Variants in HECTD4 observed in about 807,000 individuals in gnomAD.
HECTD4 encodes HECT domain E3 ubiquitin protein ligase 4.
In HECTD4, 114 loss-of-function variants were observed where a neutral mutation model predicts 471.5. That is an observed-to-expected ratio of 0.24 (90% CI 0.21 to 0.28). HECTD4 has a LOEUF of 0.28. Among genes scored for constraint, HECTD4 ranks in the 10% least tolerant of loss-of-function variants. The pLI is 1.00. For synonymous variants in HECTD4, 2,012 were observed against 2,256.0 expected (o/e 0.89, Z 3.07); for missense variants, 3,866 against 5,651.5 (o/e 0.68, Z 10.13).
intron 1 of HECTD4, among the ~76,000 whole-genome samples, chr12:112,342,666 A>G (rs2036073877): frequency 6.6e-6 from 1 of 152,226 alleles, no homozygotes; most frequent in Non-Finnish European, 1.5e-5. Context: ...ACACGAAAAT[A>G]TTCTAGAACA....
At chr12:112,165,598 A>C (rs191210061) in intron 72 of HECTD4, among the ~76,000 whole-genome samples, 1 of 151,248 alleles carries the variant, frequency 6.6e-6, no homozygotes, top group East Asian at 2.0e-4. Flanking sequence ...TGATCTGCCC[A>C]CCTTGGCCTC....
chr12:112,222,826 C>T (rs1166577712), intron 44 of HECTD4, among the ~76,000 whole-genome samples: 1 of 152,002 alleles, frequency 6.6e-6, no homozygotes, highest in African/African-American at 2.4e-5. Flanking sequence ...AGAGCGAAAC[C>T]CTGTCTCAAA....
At position 112,183,144 on chromosome 12, in the gene HECTD4, T is replaced by C. The variant is rs753622104; in HGVS notation, c.10902A>G (p.Leu3634=). The change falls in exon 62 of 76, where the codon CTA becomes CTG. Residue 3634 remains leucine, a synonymous_variant. Transcript: ENST00000682272. ...GACTCTGATTTACTACAGACACGGT[T>C]AGAATCTCTTCTGTTGACATTTCCA... ...ELMEMSTEEI[L]TVSVVNQSLF... 1.9e-6 allele frequency: 3 copies of C among 1,613,108 alleles called. No homozygotes were observed. In the East Asian group the frequency reaches 6.7e-5, roughly 36 times the overall value.
intron 60 of HECTD4, among the ~76,000 whole-genome samples, chr12:112,189,274 C>T (rs992277298): frequency 4.6e-5 from 7 of 152,008 alleles, no homozygotes; most frequent in South Asian, 2.1e-4. Flanking sequence ...GGTTCCAGGC[C>T]GGGCGCAGTG....
rs1593899919 is a variant in HECTD4, at chr12:112,179,039, C to A, written c.11255G>T (p.Ser3752Ile). 2.5e-6 allele frequency: 4 copies of A among 1,613,826 alleles called. No individual in the cohort carries two copies. Among genetic ancestry groups the A allele is most frequent in the Admixed American group, 1.7e-5 (1 of 59,974 alleles). ...CTCCTTCCCGGCCTTGCTGTACTTGCTCTTGTCAAACTTGGGCTTTGGCAC... is the reference window on the plus strand; with the variant it reads ...CTCCTTCCCGGCCTTGCTGTACTTGATCTTGTCAAACTTGGGCTTTGGCAC... ...YGVPKPKFDK[S>I]KYSKAGKEQH... Residue 3752 changes from serine (S) to isoleucine (I), a missense_variant, in exon 64 of 76, where the codon AGC becomes ATC. Physicochemically the swap from Ser to Ile is moderately radical, Grantham distance 142. Transcript: ENST00000682272. The surrounding 1 kb of genome is among the most constrained non-coding windows in gnomAD (Gnocchi z 4.3).
In HECTD4 at chr12:112,163,821, C is replaced by T. The variant is rs1021511527; in HGVS notation, c.12702-84G>A. ...GCCACACCCACTCAGCTGGAGGTCC[C>T]GGATCCTCTCTTGGGAGAGGCCTGG... On this transcript the variant is annotated intron_variant, in intron 73 of 75. Coordinates refer to ENST00000682272, the MANE Select transcript of HECTD4 (RefSeq NM_001388303.1). The surrounding 1 kb of genome is among the most constrained non-coding windows in gnomAD (Gnocchi z 8.2). 8 of 1,251,860 alleles carry T rather than the reference C, an allele frequency of 6.4e-6. No homozygotes were observed. The highest frequency in any genetic ancestry group is 5.7e-5 in the East Asian group (2 of 35,124). The allele number at this position is 1,251,860 out of a possible 1,614,324, so 77.5% of individuals were successfully genotyped here. A position where few individuals can be genotyped will look rare whatever the true frequency, so the allele number is the denominator to read the frequency against.
At chr12:112,372,023 C>G (rs1364297003) in intron 1 of HECTD4, among the ~76,000 whole-genome samples, 2 of 151,686 alleles carry the variant, frequency 1.3e-5, no homozygotes, top group African/African-American at 4.8e-5. Flanking sequence ...CAATAGGCAG[C>G]TGGCTGAATA....
At chr12:112,302,562 AC>A in intron 7 of HECTD4, 1 of 696,070 alleles carries the variant, frequency 1.4e-6, no homozygotes, top group Non-Finnish European at 2.6e-6. Context: ...CAAAATTCTT[AC>A]GCCTTTTCTC....
chr12:112,334,192 G>A (rs185528719), intron 1 of HECTD4, among the ~76,000 whole-genome samples: 10 of 150,604 alleles, frequency 6.6e-5, no homozygotes, highest in African/African-American at 2.0e-4. Context: ...CTGGGCGACA[G>A]AGCCAGACTC....
rs1469030574 is a variant in HECTD4, at chr12:112,381,021, A to G, written c.177+931T>C. On this transcript the variant is annotated intron_variant, in intron 1 of 75. Transcript: ENST00000682272. The surrounding 1 kb of genome is among the most constrained non-coding windows in gnomAD (Gnocchi z 4.1). ...TAAAAATTTGATGACACCCCATGCT[A>G]CCTACACATCAAAATGTCATCCCAC... is the stretch of plus-strand genomic sequence containing the variant. Among the ~76,000 whole-genome samples, 1 of 152,128 alleles carries G rather than the reference A, an allele frequency of 6.6e-6. No individual in the cohort carries two copies. Among genetic ancestry groups the G allele is most frequent in the Non-Finnish European group, 1.5e-5 (1 of 68,018 alleles).
intron 21 of HECTD4, among the ~76,000 whole-genome samples, chr12:112,255,078 A>C (rs1206897845): frequency 6.6e-6 from 1 of 151,996 alleles, no homozygotes; most frequent in Admixed American, 6.6e-5. Flanking sequence ...ACTTTTATCC[A>C]TGTAGTAAGC....
At chr12:112,211,061 C>T (rs997304451) in intron 49 of HECTD4, among the ~76,000 whole-genome samples, 2 of 152,080 alleles carry the variant, frequency 1.3e-5, no homozygotes, top group African/African-American at 4.8e-5. Context: ...TTTTAAAAGA[C>T]GGAGTCTTGG....
intron 9 of HECTD4, among the ~76,000 whole-genome samples, chr12:112,276,553 T>C (rs1461347122): frequency 1.3e-5 from 2 of 152,166 alleles, no homozygotes; most frequent in African/African-American, 4.8e-5. Context: ...GTTCAAGCAA[T>C]TCTCCTGCCT....
chr12:112,217,980 A>G (rs1374308575), intron 45 of HECTD4, among the ~76,000 whole-genome samples: 2 of 152,002 alleles, frequency 1.3e-5, no homozygotes, highest in East Asian at 1.9e-4. Context: ...CTTTTAAAAA[A>G]TTTATTATTA....
intron 67 of HECTD4, among the ~76,000 whole-genome samples, chr12:112,171,832 T>C (rs1052935049): frequency 1.8e-4 from 28 of 152,240 alleles, no homozygotes; most frequent in African/African-American, 6.7e-4. Context: ...CTGGGACGAG[T>C]GTAATGAACT....
At position 112,228,272 on chromosome 12, in the gene HECTD4, G is replaced by T. The variant is rs375818118; in HGVS notation, c.6685-14C>A. On this transcript the variant is annotated splice_polypyrimidine_tract_variant and intron_variant, in intron 42 of 75. Transcript: ENST00000682272. This position sits in a 1 kb window ranked among gnomAD's most constrained non-coding sequence, Gnocchi z 4.9. The stretch of plus-strand genomic sequence containing the variant: ...AAGAGGCAATGCCTGATGGCGGTGG[G>T]GGGGCATGGCAAAAAGTTAAATTCA... The T allele has an allele frequency of 3.2e-6, 5 of 1,556,172 alleles. No homozygotes were observed. In the South Asian group the frequency reaches 3.7e-5, roughly 11 times the overall value.
At chr12:112,190,747 C>A (rs1490943300) in intron 60 of HECTD4, 39 bp downstream of exon 60, 2 of 1,523,568 alleles carry the variant, frequency 1.3e-6, no homozygotes, top group Non-Finnish European at 1.8e-6. Flanking sequence ...CAGCTCCACC[C>A]CCACCCTAGA....
chr12:112,279,332 G>C lies in HECTD4; in HGVS notation c.1583C>G (p.Thr528Ser). The change falls in exon 9 of 76, where the codon ACC becomes AGC. Residue 528 changes from threonine to serine, a missense_variant. By Grantham distance (58) the Thr-to-Ser change is moderately conservative (BLOSUM62 1). Around this residue, in one of 16 missense-constraint regions of HECTD4, gnomAD observed 525 missense variants for 672.6 expected, o/e 0.78. Transcript: ENST00000682272. ...CAGCATCACCAAGTAGGTGCCACAG[G>C]TATATATGGGTGTCTTCCGCAGCAT... ...LKMLRKTPIY[T>S]CGTYLVMLVP... 6.2e-7 allele frequency: 1 copy of C among 1,612,626 alleles called. No individual in the cohort carries two copies. Among genetic ancestry groups the C allele is most frequent in the Non-Finnish European group, 8.5e-7 (1 of 1,179,552 alleles).
chr12:112,263,930 T>A (rs1005470418), intron 17 of HECTD4, among the ~76,000 whole-genome samples, 154 bp downstream of exon 17: 9 of 152,072 alleles, frequency 5.9e-5, no homozygotes, highest in Non-Finnish European at 1.0e-4. Flanking sequence ...TGTAATGACA[T>A]AAAAAATCTA....
Sources: allele counts gnomAD v4.1 joint callset (sites outside exome capture counted in the v4.1 genomes callset), GRCh38; gene constraint gnomAD v4.1.1; regional missense constraint gnomAD v4.1.1; non-coding constraint Gnocchi (gnomAD v3.1); transcripts MANE v1.5; gene names NCBI Gene and HGNC (gene_info 2026-07-23, HGNC 2026-07-21).